Variants in LRRC40 observed in about 807,000 individuals in gnomAD.
LRRC40 encodes the protein leucine rich repeat containing 40.
In LRRC40, 76 loss-of-function variants were observed where a neutral mutation model predicts 72.8. That is an observed-to-expected ratio of 1.04 (90% CI 0.87 to 1.26). The LOEUF is 1.26. Among genes scored for constraint, LRRC40 ranks in the 50% most tolerant of loss-of-function variants. The pLI, the probability that LRRC40 is intolerant of heterozygous loss-of-function variation, is 0.00. For synonymous variants in LRRC40, 243 were observed against 254.2 expected, an observed-to-expected ratio of 0.96 and a Z score of 0.42; for missense variants, 684 against 698.9, an observed-to-expected ratio of 0.98 and a Z score of 0.24.
intron 9 of LRRC40, among the ~76,000 whole-genome samples, chr1:70,162,313 G>C (rs751284574): frequency 1.3e-5 from 2 of 152,098 alleles, no homozygotes; most frequent in Non-Finnish European, 2.9e-5. Context: ...TGGAGAACAT[G>C]CAGAGCTAGT....
chr1:70,202,323 T>A (rs754110090), intron 1 of LRRC40, among the ~76,000 whole-genome samples: 10 of 151,978 alleles, frequency 6.6e-5, no homozygotes, highest in Admixed American at 2.6e-4. Flanking sequence ...AACAAAATGG[T>A]ACATTCATAC....
At chr1:70,175,621 TATC>T (rs1360410608) in intron 7 of LRRC40, among the ~76,000 whole-genome samples, 186 bp downstream of exon 7, 1 of 152,142 alleles carries the variant, frequency 6.6e-6, no homozygotes, top group African/African-American at 2.4e-5. Flanking sequence ...CTGCTTCTAT[TATC>T]ATATCAAGCT....
chr1:70,159,641 G>A (rs1309100020), intron 9 of LRRC40, among the ~76,000 whole-genome samples: 1 of 152,098 alleles, frequency 6.6e-6, no homozygotes, highest in Non-Finnish European at 1.5e-5. Context: ...ACTGTAGCAT[G>A]GCTTCAAAAC....
chr1:70,155,855 T>C (rs2100240904), intron 10 of LRRC40, 59 bp from the exon 11 acceptor site: 3 of 674,500 alleles, frequency 4.4e-6, no homozygotes, highest in African/African-American at 1.8e-5. Context: ...AAGATATGAT[T>C]ATTACTCTTC....
intron 1 of LRRC40, among the ~76,000 whole-genome samples, chr1:70,201,201 T>C (rs187650784): frequency 2.2e-4 from 34 of 152,128 alleles, no homozygotes; most frequent in African/African-American, 7.0e-4. Context: ...ATATTTTGAA[T>C]GTAAATCATA....
At chr1:70,162,992 G>A (rs1341200903) in intron 9 of LRRC40, among the ~76,000 whole-genome samples, 2 of 151,942 alleles carry the variant, frequency 1.3e-5, no homozygotes, top group Non-Finnish European at 2.9e-5. Context: ...TTACAGTTTT[G>A]TAGTTCACAA....
In LRRC40 at chr1:70,145,867, C is replaced by T. The variant is rs149822710; in HGVS notation, c.1742G>A (p.Arg581Gln). The T allele has an allele frequency of 1.2e-5, 20 of 1,608,648 alleles. No individual in the cohort carries two copies. The highest frequency in any genetic ancestry group is 1.5e-5 in the Non-Finnish European group (18 of 1,176,010). Residue 581 changes from arginine to glutamine, a missense_variant, in exon 15 of 15, where the codon CGA becomes CAA. Physicochemically the swap from Arg to Gln is conservative, Grantham distance 43. Transcript: ENST00000370952. ...TGTTCCTTTCATTAATATGGCTGCT[C>T]GAGGAACTCGGAATGGATTTCCATC... ...LLDGNPFRVP[R>Q]AAILMKGTAA... is the part of the protein sequence containing the mutation.
chr1:70,199,582 TATG>T (rs2100352877), intron 1 of LRRC40, among the ~76,000 whole-genome samples: 1 of 152,312 alleles, frequency 6.6e-6, no homozygotes, highest in South Asian at 2.1e-4. Context: ...TGAAGACCTT[TATG>T]ATGATCCACT....
intron 10 of LRRC40, among the ~76,000 whole-genome samples, chr1:70,156,846 A>T (rs964658351): frequency 1.3e-5 from 2 of 152,210 alleles, no homozygotes; most frequent in African/African-American, 4.8e-5. Context: ...TTTAAAACTT[A>T]TAAATTGTTT....
intron 9 of LRRC40, among the ~76,000 whole-genome samples, chr1:70,163,256 T>C (rs755594470): frequency 1.2e-4 from 19 of 152,198 alleles, no homozygotes; most frequent in Non-Finnish European, 2.2e-4. Context: ...GCCCAGCTAA[T>C]TGCTGTATTT....
intron 1 of LRRC40, among the ~76,000 whole-genome samples, chr1:70,195,180 T>C (rs1668581150): frequency 6.6e-6 from 1 of 151,642 alleles, no homozygotes; most frequent in African/African-American, 2.4e-5. Flanking sequence ...ACAGAAAAAG[T>C]TCATCATAAA....
intron 1 of LRRC40, among the ~76,000 whole-genome samples, chr1:70,190,465 G>A (rs1255563920): frequency 6.6e-6 from 1 of 151,532 alleles, no homozygotes; most frequent in Non-Finnish European, 1.5e-5. Flanking sequence ...AGGATCACTT[G>A]AGGCCATGAG....
chr1:70,196,719 G>A (rs371054304), intron 1 of LRRC40, among the ~76,000 whole-genome samples: 4 of 152,128 alleles, frequency 2.6e-5, no homozygotes, highest in African/African-American at 4.8e-5. Flanking sequence ...AAGCAGATCC[G>A]TAGTTATGTG....
chr1:70,161,110 G>C (rs1310460870), intron 9 of LRRC40, among the ~76,000 whole-genome samples: 7 of 150,686 alleles, frequency 4.6e-5, no homozygotes, highest in African/African-American at 1.5e-4. Context: ...TTTTCTGAGA[G>C]GGAGTCTCGC....
intron 1 of LRRC40, among the ~76,000 whole-genome samples, chr1:70,193,252 T>C (rs1360510885): frequency 3.3e-5 from 5 of 151,458 alleles, no homozygotes; most frequent in Non-Finnish European, 7.4e-5. Context: ...GCTAGACAGA[T>C]GAAGAAAAAA....
At chr1:70,190,673 T>G (rs1668474960) in intron 1 of LRRC40, among the ~76,000 whole-genome samples, 1 of 21,622 alleles carries the variant, frequency 4.6e-5, no homozygotes, top group African/African-American at 5.9e-4. Flanking sequence ...TGAGACCCTG[T>G]CTCTAAAAAA....
At chr1:70,188,132 A>G (rs1668408834) in intron 2 of LRRC40, among the ~76,000 whole-genome samples, 1 of 152,178 alleles carries the variant, frequency 6.6e-6, no homozygotes, top group African/African-American at 2.4e-5. Context: ...AAGCCAATCC[A>G]TTCATTTTAC....
At chr1:70,173,009 G>A (rs1668030560) in intron 9 of LRRC40, among the ~76,000 whole-genome samples, 1 of 151,372 alleles carries the variant, frequency 6.6e-6, no homozygotes, top group Non-Finnish European at 1.5e-5. Context: ...TTTCACTTTT[G>A]GTACATGTTC....
rs925364361 is a variant in LRRC40, at chr1:70,190,428, C to A, written c.152-1155G>T. 7.9e-5 allele frequency among the ~76,000 whole-genome samples: 12 copies of A among 151,850 alleles called. 1 individual carries two copies. The highest frequency in any genetic ancestry group is 4.2e-4 in the South Asian group (2 of 4,812). On this transcript the variant is annotated intron_variant, in intron 1 of 14. Coordinates refer to ENST00000370952, the MANE Select transcript of LRRC40 (RefSeq NM_017768.5). Reference sequence around the variant, plus strand: ...AGTTGTAGTGCCTCAGGGCTATAATCCCTGCACTTTGGGAGGCTAAGGTGG... The same window carrying A: ...AGTTGTAGTGCCTCAGGGCTATAATACCTGCACTTTGGGAGGCTAAGGTGG...
Sources: gnomAD v4.1 joint callset for allele counts (sites outside exome capture counted in the v4.1 genomes callset) on GRCh38, gnomAD v4.1.1 for gene constraint, MANE v1.5 for transcripts, NCBI Gene and HGNC (gene_info 2026-07-23, HGNC 2026-07-21) for gene names.